Variants in PLXDC2 observed in about 807,000 individuals in gnomAD.
PLXDC2 encodes the protein plexin domain containing 2.
In PLXDC2, 40 loss-of-function variants were observed where a neutral mutation model predicts 68.9. The observed-to-expected ratio is 0.58, with a 90% CI of 0.45 to 0.76. The LOEUF is 0.76. PLXDC2 is among the 30% of genes least tolerant of loss of function. PLXDC2 has a pLI of 0.00. For missense variants in PLXDC2, 644 were observed against 661.9 expected (o/e 0.97, Z 0.30); for synonymous variants, 243 against 234.2 (o/e 1.04, Z -0.34).
At chr10:19,866,565 C>T (rs1837420575) in intron 1 of PLXDC2, among the ~76,000 whole-genome samples, 1 of 152,182 alleles carries the variant, frequency 6.6e-6, no homozygotes, top group South Asian at 2.1e-4. Flanking sequence ...TCTGCAATTT[C>T]CACCTAGAAT....
chr10:20,006,951 C>T (rs1162610353), intron 2 of PLXDC2, among the ~76,000 whole-genome samples: 2 of 152,184 alleles, frequency 1.3e-5, no homozygotes, highest in East Asian at 1.9e-4. Flanking sequence ...TTCATACGGA[C>T]GTATAACCAC....
At chr10:20,159,281 A>G (rs746639191) in intron 6 of PLXDC2, among the ~76,000 whole-genome samples, 16 of 152,170 alleles carry the variant, frequency 1.1e-4, no homozygotes, top group Non-Finnish European at 1.8e-4. Context: ...AACATTCCTG[A>G]TGAAAACACC....
intron 1 of PLXDC2, among the ~76,000 whole-genome samples, chr10:19,909,384 G>C (rs1307505217): frequency 6.6e-6 from 1 of 152,120 alleles, no homozygotes; most frequent in Non-Finnish European, 1.5e-5. Flanking sequence ...TACCACCTCA[G>C]CATTGCATTA....
intron 1 of PLXDC2, among the ~76,000 whole-genome samples, chr10:19,931,383 G>A (rs1379411819): frequency 6.6e-6 from 1 of 152,148 alleles, no homozygotes; most frequent in Non-Finnish European, 1.5e-5. Flanking sequence ...CCGTCCTTAA[G>A]CTTCAGCCCA....
At chr10:20,051,646 A>T (rs1835903492) in intron 3 of PLXDC2, among the ~76,000 whole-genome samples, 1 of 151,862 alleles carries the variant, frequency 6.6e-6, no homozygotes, top group Admixed American at 6.6e-5. Flanking sequence ...GACTCAGCGT[A>T]GAGCTTTGCT....
Position 20,162,042 on chromosome 10 carries a change from AAGAGAGAG to A in PLXDC2, c.784-2402_784-2395del, listed in dbSNP as rs139175193. Reference sequence around the variant, plus strand: ...TGTCAGAAAAAGAAAGAAAGAAAGAAAGAGAGAGAGAGAGAGAGAGAGAGAGAGAGAAG... The same window carrying A: ...TGTCAGAAAAAGAAAGAAAGAAAGAAAGAGAGAGAGAGAGAGAGAGAGAAG... On this transcript the variant is annotated intron_variant, in intron 6 of 13. Coordinates refer to ENST00000377252, the MANE Select transcript of PLXDC2 (RefSeq NM_032812.9). Among the ~76,000 whole-genome samples the A allele has an allele frequency of 1.7e-3, 123 of 72,402 alleles. 3 individuals carry two copies. The highest frequency in any genetic ancestry group is 4.4e-3 in the African/African-American group (79 of 18,132). 47.5% of individuals were successfully genotyped at this position (72,402 alleles called of 152,430 possible).
At chr10:20,070,980 A>G (rs1836305724) in intron 4 of PLXDC2, 1 of 152,176 alleles carries the variant, frequency 6.6e-6, no homozygotes, top group African/African-American at 2.4e-5. Flanking sequence ...AAGTGAAAAA[A>G]AAAAAACCTA....
intron 12 of PLXDC2, among the ~76,000 whole-genome samples, chr10:20,242,204 G>A (rs767607573): frequency 2.3e-4 from 35 of 152,184 alleles, no homozygotes; most frequent in South Asian, 8.3e-4. Flanking sequence ...CACAAGATGC[G>A]ATAATATAAG....
chr10:20,010,405 A>G (rs1326870609), intron 2 of PLXDC2, among the ~76,000 whole-genome samples: 1 of 152,256 alleles, frequency 6.6e-6, no homozygotes, highest in African/African-American at 2.4e-5. Context: ...GACAGAAGTG[A>G]TATCTGCAAT....
At chr10:20,262,845 C>T (rs931996449) in intron 13 of PLXDC2, among the ~76,000 whole-genome samples, 7 of 152,236 alleles carry the variant, frequency 4.6e-5, no homozygotes, top group African/African-American at 1.7e-4. Context: ...CCCATATCTC[C>T]TCACCAGGCA....
intron 1 of PLXDC2, among the ~76,000 whole-genome samples, chr10:19,840,999 T>G (rs983933772): frequency 1.3e-5 from 2 of 152,216 alleles, no homozygotes; most frequent in South Asian, 4.1e-4. Context: ...AGAATCCTTA[T>G]GAAGCAAGTA....
intron 1 of PLXDC2, among the ~76,000 whole-genome samples, chr10:19,851,617 C>T (rs1200042735): frequency 6.6e-6 from 1 of 152,160 alleles, no homozygotes; most frequent in Non-Finnish European, 1.5e-5. Context: ...ACAATCTTGG[C>T]TCACTGCAAC....
chr10:19,884,385 G>A (rs889907541), intron 1 of PLXDC2, among the ~76,000 whole-genome samples: 1 of 151,662 alleles, frequency 6.6e-6, no homozygotes, highest in Admixed American at 6.6e-5. Flanking sequence ...TGAGTTTTAG[G>A]GTGCATGTGC....
intron 9 of PLXDC2, among the ~76,000 whole-genome samples, chr10:20,191,591 T>G (rs891280542): frequency 6.6e-6 from 1 of 151,564 alleles, no homozygotes; most frequent in African/African-American, 2.4e-5. Flanking sequence ...CTTTTGCTGA[T>G]TTTAAATCAC....
At chr10:20,149,262 G>A (rs1473020513) in intron 6 of PLXDC2, among the ~76,000 whole-genome samples, 1 of 63,860 alleles carries the variant, frequency 1.6e-5, no homozygotes, top group African/African-American at 6.7e-5. Flanking sequence ...TTTTGAGTTG[G>A]AGTTTCACTC....
intron 13 of PLXDC2, among the ~76,000 whole-genome samples, chr10:20,260,168 T>C (rs1835791991): frequency 6.6e-6 from 1 of 152,180 alleles, no homozygotes; most frequent in South Asian, 2.1e-4. Flanking sequence ...ATCCTATCCA[T>C]CACCTTCTAT....
chr10:20,066,361 G>C (rs1836212106), intron 3 of PLXDC2, among the ~76,000 whole-genome samples: 1 of 152,184 alleles, frequency 6.6e-6, no homozygotes. Flanking sequence ...GGTGGTAATT[G>C]ATAGGGTTCA....
At position 20,279,746 on chromosome 10, in the gene PLXDC2, C is replaced by T. The variant is rs141003123; in HGVS notation, c.1517C>T (p.Ser506Phe). 2.7e-5 allele frequency: 43 copies of T among 1,613,942 alleles called. No homozygotes were observed. The Admixed American group carries it at 6.0e-4, about 23-fold the overall frequency. ...CCTGCGATGAAGTTTAGAAGAGGCT[C>T]TGGACATCCTGCCTATGCTGAAGTT... Reference protein sequence around the residue: ...RWPAMKFRRGSGHPAYAEVEP... With the variant: ...RWPAMKFRRGFGHPAYAEVEP... Residue 506 changes from serine to phenylalanine, a missense_variant, in exon 14 of 14, where the codon TCT becomes TTT. By Grantham distance (155) the Ser-to-Phe change is radical. This residue lies in a region of PLXDC2 where 330 missense variants were observed against 327.9 expected (regional missense o/e 1.01). Coordinates refer to ENST00000377252, the MANE Select transcript of PLXDC2 (RefSeq NM_032812.9).
At chr10:20,188,379 A>T (rs933589297) in intron 9 of PLXDC2, among the ~76,000 whole-genome samples, 1 of 151,806 alleles carries the variant, frequency 6.6e-6, no homozygotes, top group Middle Eastern at 3.4e-3. Flanking sequence ...TGTCTGGCTT[A>T]TTTCACAGCA....
Sources: gnomAD v4.1 joint callset for allele counts (sites outside exome capture counted in the v4.1 genomes callset) on GRCh38, gnomAD v4.1.1 for gene constraint, gnomAD v4.1.1 regional missense constraint, MANE v1.5 for transcripts, NCBI Gene and HGNC (gene_info 2026-07-23, HGNC 2026-07-21) for gene names.